Variants in CMIP observed in about 807,000 individuals in gnomAD.
CMIP encodes the protein c-Maf inducing protein, also known as C-Maf-inducing protein.
A neutral mutation model predicts 97.3 loss-of-function variants in CMIP; 13 were observed. That is an observed-to-expected ratio of 0.13 (90% CI 0.09 to 0.21). The LOEUF (loss-of-function observed/expected upper bound fraction) is 0.21. CMIP is among the 10% of genes least tolerant of loss of function. The pLI is 1.00. For synonymous variants in CMIP, 538 were observed against 436.3 expected, an observed-to-expected ratio of 1.23 and a Z score of -2.91; for missense variants, 847 against 1,024.9, an observed-to-expected ratio of 0.83 and a Z score of 2.37.
chr16:81,604,708 C>G (rs2091713937), intron 1 of CMIP, among the ~76,000 whole-genome samples: 1 of 151,920 alleles, frequency 6.6e-6, no homozygotes, highest in Non-Finnish European at 1.5e-5. Context: ...TCAAACAAAA[C>G]AAAACAAAAA....
chr16:81,474,809 GTC>G (rs1321127310), intron 1 of CMIP, among the ~76,000 whole-genome samples: 2 of 152,218 alleles, frequency 1.3e-5, no homozygotes, highest in East Asian at 3.9e-4. Context: ...GCCCAGGACA[GTC>G]TCTGTGCCTA....
At chr16:81,620,012 A>C (rs2091971670) in intron 2 of CMIP, 1 of 152,254 alleles carries the variant, frequency 6.6e-6, no homozygotes, top group Non-Finnish European at 1.5e-5. Flanking sequence ...GGATGATGGC[A>C]ATGGTAATGA....
chr16:81,504,822 G>A (rs923423835), intron 1 of CMIP, among the ~76,000 whole-genome samples: 1 of 152,170 alleles, frequency 6.6e-6, no homozygotes, highest in African/African-American at 2.4e-5. Flanking sequence ...AAGAGTGAGG[G>A]TGTGGAACCC....
chr16:81,519,837 C>T (rs1278092007), intron 1 of CMIP: 9 of 152,218 alleles, frequency 5.9e-5, no homozygotes, highest in Admixed American at 4.6e-4. Flanking sequence ...CCCTTCCTCT[C>T]CTCCAGCCCT....
At chr16:81,659,324 A>G (rs1010594052) in intron 5 of CMIP, among the ~76,000 whole-genome samples, 4 of 151,920 alleles carry the variant, frequency 2.6e-5, no homozygotes, top group Admixed American at 6.6e-5. Context: ...AGATAATACA[A>G]AAATAACATG....
intron 1 of CMIP, among the ~76,000 whole-genome samples, chr16:81,563,578 C>T (rs2090926214): frequency 6.6e-6 from 1 of 152,232 alleles, no homozygotes; most frequent in Non-Finnish European, 1.5e-5. Context: ...TACATGTGCA[C>T]ATTAAAGCTG....
At chr16:81,450,956 A>G (rs1464172491) in intron 1 of CMIP, among the ~76,000 whole-genome samples, 1 of 152,146 alleles carries the variant, frequency 6.6e-6, no homozygotes, top group African/African-American at 2.4e-5. Context: ...GTGGTTCTTC[A>G]CTGGACAGTA....
chr16:81,600,254 C>T (rs1395080661), intron 1 of CMIP, among the ~76,000 whole-genome samples: 4 of 122,650 alleles, frequency 3.3e-5, no homozygotes, highest in African/African-American at 9.7e-5. Context: ...CCAGCCTAGG[C>T]GACAGAGTGA....
At chr16:81,498,227 A>G (rs2089529069) in intron 1 of CMIP, among the ~76,000 whole-genome samples, 1 of 152,220 alleles carries the variant, frequency 6.6e-6, no homozygotes, top group Non-Finnish European at 1.5e-5. Context: ...AGAAGGTTCA[A>G]TGAAATGATG....
chr16:81,623,543 C>T (rs867840816), intron 3 of CMIP, among the ~76,000 whole-genome samples: 1 of 152,078 alleles, frequency 6.6e-6, no homozygotes, highest in African/African-American at 2.4e-5. Flanking sequence ...CAATTGCCCC[C>T]CAATAATTTA....
At chr16:81,492,561 G>A (rs1033526703) in intron 1 of CMIP, among the ~76,000 whole-genome samples, 10 of 151,718 alleles carry the variant, frequency 6.6e-5, no homozygotes, top group Admixed American at 1.3e-4. Context: ...TGTGCTGGCC[G>A]GCTGGGCCTT....
intron 3 of CMIP, among the ~76,000 whole-genome samples, chr16:81,626,196 T>C (rs1310335828): frequency 6.6e-6 from 1 of 151,850 alleles, no homozygotes; most frequent in Non-Finnish European, 1.5e-5. Context: ...GGTGTGTGAG[T>C]GTGAGAGTGA....
chr16:81,468,785 AAGC>A (rs1179111983), intron 1 of CMIP, among the ~76,000 whole-genome samples: 2 of 152,212 alleles, frequency 1.3e-5, no homozygotes, highest in African/African-American at 4.8e-5. Context: ...CAGGAGGAGA[AAGC>A]AGGGAGGAGC....
intron 1 of CMIP, among the ~76,000 whole-genome samples, chr16:81,593,841 C>T (rs117009219): frequency 1.3e-5 from 2 of 152,130 alleles, no homozygotes; most frequent in Non-Finnish European, 2.9e-5. Context: ...ATCAGATGCT[C>T]ACCTGTGCTG....
intron 1 of CMIP, among the ~76,000 whole-genome samples, chr16:81,461,738 C>T (rs1906909732): frequency 6.6e-6 from 1 of 152,204 alleles, no homozygotes; most frequent in Admixed American, 6.5e-5. Context: ...CAAAGCAGTG[C>T]CTGGATCTGG....
At chr16:81,707,473 C>T (rs2052588) in intron 20 of CMIP, among the ~76,000 whole-genome samples, 13,724 of 152,204 alleles carry the variant, frequency 0.09, 645 homozygotes, top group East Asian at 0.15. Context: ...GGGCTGGGGC[C>T]GGATGGAAAA....
At chr16:81,620,098 A>C (rs2091973120) in intron 2 of CMIP, 2 of 152,220 alleles carry the variant, frequency 1.3e-5, no homozygotes, top group African/African-American at 4.8e-5. Flanking sequence ...GCTCTACAAG[A>C]ATAATTTCTG....
chr16:81,706,995 G>A lies in CMIP; in HGVS notation c.2198-19G>A. On this transcript the variant is annotated intron_variant, in intron 19 of 20. Coordinates refer to ENST00000537098, the MANE Select transcript of CMIP (RefSeq NM_198390.3). ...TTGGGGCCTCGCTCTCCTAACAACT[G>A]TATCTGTCTCTTGTGCAGCCATGAA... 1 of 1,612,142 alleles carries A rather than the reference G, an allele frequency of 6.2e-7. No homozygotes were observed. Among genetic ancestry groups the A allele is most frequent in the Non-Finnish European group, 8.5e-7 (1 of 1,178,492 alleles).
At chr16:81,619,464 T>C (rs995906610) in intron 2 of CMIP, 1 of 152,268 alleles carries the variant, frequency 6.6e-6, no homozygotes, top group African/African-American at 2.4e-5. Context: ...AGCGGTTACA[T>C]GCTTGAGTGT....
Sources: allele counts gnomAD v4.1 joint callset (sites outside exome capture counted in the v4.1 genomes callset), GRCh38; gene constraint gnomAD v4.1.1; transcripts MANE v1.5; gene names NCBI Gene and HGNC (gene_info 2026-07-23, HGNC 2026-07-21).